Variants in CNGB3 observed in about 807,000 individuals in gnomAD.
The protein encoded by CNGB3 is cyclic nucleotide-gated channel beta-3.
In CNGB3, 86 loss-of-function variants were observed where a neutral mutation model predicts 92.8. The ratio of observed to expected loss-of-function variants is 0.93; its 90% CI spans 0.78 to 1.11. CNGB3 has a LOEUF of 1.11. Ranked by LOEUF, CNGB3 falls within the 50% of genes least tolerant of loss-of-function variation. CNGB3 has a pLI of 0.00. For synonymous variants in CNGB3, 333 were observed against 332.7 expected, an observed-to-expected ratio of 1.00 and a Z score of -0.01; for missense variants, 1,026 against 956.8, an observed-to-expected ratio of 1.07 and a Z score of -0.95.
intron 3 of CNGB3, among the ~76,000 whole-genome samples, chr8:86,689,649 T>A (rs1824266172): frequency 6.6e-6 from 1 of 152,150 alleles, no homozygotes; most frequent in Non-Finnish European, 1.5e-5. Flanking sequence ...GCCATGTTGA[T>A]GTGCTGCACT....
At chr8:86,623,568 A>G (rs1253860770) in intron 13 of CNGB3, among the ~76,000 whole-genome samples, 1 of 152,078 alleles carries the variant, frequency 6.6e-6, no homozygotes, top group East Asian at 1.9e-4. Context: ...ATGGTGCTAA[A>G]CCCATTCATG....
intron 3 of CNGB3, among the ~76,000 whole-genome samples, chr8:86,678,375 C>T (rs1253993725): frequency 6.6e-6 from 1 of 152,188 alleles, no homozygotes; most frequent in African/African-American, 2.4e-5. Flanking sequence ...ACTTCACTCC[C>T]TTTTCACATT....
At chr8:86,734,036 T>TA (rs1162106638) in intron 2 of CNGB3, among the ~76,000 whole-genome samples, 1 of 152,010 alleles carries the variant, frequency 6.6e-6, no homozygotes, top group African/African-American at 2.4e-5. Context: ...CTCAGCTAAT[T>TA]AAAAAAATTT....
Position 86,666,912 on chromosome 8 carries a change from G to T in CNGB3, c.852+13C>A. ...TCACGTTTCAGTTTCTGCCTTTCCC[G>T]AACCCCACTTACTATTATGTCTCCT... is the stretch of plus-strand genomic sequence containing the variant. On this transcript the variant is annotated intron_variant, in intron 6 of 17. Transcript: ENST00000320005. The T allele has an allele frequency of 6.2e-7, 1 of 1,605,672 alleles. No homozygotes were observed. The highest frequency in any genetic ancestry group is 8.5e-7 in the Non-Finnish European group (1 of 1,174,312).
At chr8:86,728,403 TA>T (rs869181730) in intron 2 of CNGB3, among the ~76,000 whole-genome samples, 1 of 84,732 alleles carries the variant, frequency 1.2e-5, no homozygotes, top group Non-Finnish European at 2.1e-5. Flanking sequence ...AAGCTTTTGA[TA>T]AAAAAAGAGA....
intron 15 of CNGB3, among the ~76,000 whole-genome samples, chr8:86,586,339 T>A (rs970483546): frequency 6.6e-5 from 10 of 151,376 alleles, no homozygotes; most frequent in Non-Finnish European, 2.9e-5. Context: ...TTTTTTTAAA[T>A]TTTTTTTTAA....
At chr8:86,595,150 TTCAAG>T (rs1822141723) in intron 15 of CNGB3, among the ~76,000 whole-genome samples, 1 of 151,984 alleles carries the variant, frequency 6.6e-6, no homozygotes, top group Non-Finnish European at 1.5e-5. Flanking sequence ...AATACCTGAC[TTCAAG>T]TCAAGAGGTC....
intron 15 of CNGB3, among the ~76,000 whole-genome samples, chr8:86,580,191 G>A (rs940472140): frequency 1.7e-5 from 1 of 59,184 alleles, no homozygotes; most frequent in Admixed American, 1.9e-4. Context: ...AGAATAGCAC[G>A]GGGGGGGTGG....
chr8:86,632,729 C>T (rs750823036), intron 11 of CNGB3, 23 bp downstream of exon 11: 2 of 1,610,576 alleles, frequency 1.2e-6, no homozygotes, highest in Admixed American at 3.3e-5. Context: ...CACTGTGTAT[C>T]CAGTGATTCA....
chr8:86,651,163 G>C (rs988363221), intron 7 of CNGB3, among the ~76,000 whole-genome samples: 13 of 151,368 alleles, frequency 8.6e-5, no homozygotes, highest in Admixed American at 7.2e-4. Flanking sequence ...CAGAAGGGGG[G>C]GTGTGTTTGG....
Position 86,639,951 on chromosome 8 carries a change from C to T in CNGB3, c.1178+3800G>A, listed in dbSNP as rs569386793. 5.9e-5 allele frequency among the ~76,000 whole-genome samples: 9 copies of T among 152,002 alleles called. No homozygotes were observed. In the Middle Eastern group the frequency reaches 0.01, roughly 172 times the overall value. On this transcript the variant is annotated intron_variant, in intron 10 of 17. Transcript: ENST00000320005. The stretch of plus-strand genomic sequence containing the variant: ...ATGATAACAAGGCTGTGGAATTTAT[C>T]GAAACTAGGTTTGGGCCTAGAAAAT...
chr8:86,603,200 G>T (rs1822342855), intron 15 of CNGB3, among the ~76,000 whole-genome samples: 2 of 152,182 alleles, frequency 1.3e-5, no homozygotes, highest in African/African-American at 2.4e-5. Context: ...AATTCATCTT[G>T]TCTAGCTAAT....
At chr8:86,657,084 C>T (rs1484750851) in intron 6 of CNGB3, among the ~76,000 whole-genome samples, 6 of 152,188 alleles carry the variant, frequency 3.9e-5, no homozygotes, top group African/African-American at 9.7e-5. Flanking sequence ...TGGGAGCCCC[C>T]GTGAAGGAAA....
chr8:86,674,490 A>G (rs1823924960), intron 3 of CNGB3, among the ~76,000 whole-genome samples: 1 of 152,154 alleles, frequency 6.6e-6, no homozygotes, highest in Non-Finnish European at 1.5e-5. Context: ...GCCTATATAC[A>G]TATGGAAGCC....
intron 7 of CNGB3, among the ~76,000 whole-genome samples, chr8:86,650,404 G>T (rs1823379947): frequency 6.6e-6 from 1 of 150,856 alleles, no homozygotes. Context: ...AAAAGGAAAA[G>T]AGTCATTATA....
At chr8:86,665,456 A>G (rs1462029977) in intron 6 of CNGB3, among the ~76,000 whole-genome samples, 1 of 152,240 alleles carries the variant, frequency 6.6e-6, no homozygotes, top group Non-Finnish European at 1.5e-5. Flanking sequence ...TAACAAAAAG[A>G]CACATGCACC....
chr8:86,738,202 T>TTC (rs1825278579), intron 2 of CNGB3, among the ~76,000 whole-genome samples: 1 of 65,208 alleles, frequency 1.5e-5, no homozygotes, highest in Non-Finnish European at 3.0e-5. Context: ...CTTTCATTTT[T>TTC]GTATTTATTT....
intron 3 of CNGB3, among the ~76,000 whole-genome samples, chr8:86,692,559 T>C (rs1824341239): frequency 6.6e-6 from 1 of 152,238 alleles, no homozygotes; most frequent in Non-Finnish European, 1.5e-5. Flanking sequence ...TGGTTGCCTT[T>C]GTTGCCCATT....
chr8:86,670,411 AT>A (rs1563748826), intron 4 of CNGB3, among the ~76,000 whole-genome samples: 1 of 152,014 alleles, frequency 6.6e-6, no homozygotes. Context: ...CTGTCGGAGG[AT>A]TTCCTCTAGC....
Sources: gnomAD v4.1 joint callset for allele counts (sites outside exome capture counted in the v4.1 genomes callset) on GRCh38, gnomAD v4.1.1 for gene constraint, MANE v1.5 for transcripts, NCBI Gene and HGNC (gene_info 2026-07-23, HGNC 2026-07-21) for gene names.